Variants in WDR33 observed in about 807,000 individuals in gnomAD.
The protein encoded by WDR33 is pre-mRNA 3' end processing protein WDR33.
Under a neutral mutation model 164.9 loss-of-function variants are expected in WDR33, and 47 were observed. That is an observed-to-expected ratio of 0.29 (90% confidence interval 0.23 to 0.36). The LOEUF is 0.36. Ranked by LOEUF, WDR33 falls within the 10% of genes least tolerant of loss-of-function variation. WDR33 has a pLI of 1.00. For synonymous variants in WDR33, 505 were observed against 589.0 expected (o/e 0.86, Z 2.06); for missense variants, 1,137 against 1,754.1 (o/e 0.65, Z 6.28).
At position 127,746,974 on chromosome 2, in the gene WDR33, G is replaced by A. The variant is rs761999034; in HGVS notation, c.724+16088C>T. ...TCAGCATCAATTCTGGTAAATGGAT[G>A]TTATTTAAAAAAATGTAAATATACG... On this transcript the variant is annotated intron_variant, in intron 7 of 21. Coordinates refer to ENST00000322313, the MANE Select transcript of WDR33 (RefSeq NM_018383.5). 7.9e-5 allele frequency among the ~76,000 whole-genome samples: 12 copies of A among 152,200 alleles called. 1 individual carries two copies. The highest frequency in any genetic ancestry group is 1.6e-4 in the Non-Finnish European group (11 of 68,040).
chr2:127,788,452 G>A (rs1250448878), intron 1 of WDR33, among the ~76,000 whole-genome samples: 4 of 126,868 alleles, frequency 3.2e-5, no homozygotes, highest in African/African-American at 9.6e-5. Flanking sequence ...TCCCGGACGG[G>A]GCGGCTGGCC....
At position 127,709,399 on chromosome 2, in the gene WDR33, G is replaced by T; in HGVS notation, c.3565+91C>A. 1 of 1,267,194 alleles carries T rather than the reference G, an allele frequency of 7.9e-7. No homozygotes were observed. The highest frequency in any genetic ancestry group is 1.1e-6 in the Non-Finnish European group (1 of 875,880). 78.5% of individuals were successfully genotyped at this position (1,267,194 alleles called of 1,614,324 possible). A position where few individuals can be genotyped will look rare whatever the true frequency, so the allele number is the denominator to read the frequency against. ...CCCCCCGGGAGACATGAGCTGGAAA[G>T]AGGAGACCCGGTGCACCCCAGAGAG... On this transcript the variant is annotated intron_variant, in intron 20 of 21. Coordinates refer to ENST00000322313, the MANE Select transcript of WDR33 (RefSeq NM_018383.5). The surrounding 1 kb of genome is among the most constrained non-coding windows in gnomAD (Gnocchi z 5.0).
chr2:127,746,956 C>G (rs1201636353), intron 7 of WDR33, among the ~76,000 whole-genome samples: 1 of 152,148 alleles, frequency 6.6e-6, no homozygotes, highest in Admixed American at 6.5e-5. Context: ...TATTCAGCAT[C>G]AATTCTGGTA....
At chr2:127,780,023 G>T (rs1573449121) in intron 1 of WDR33, among the ~76,000 whole-genome samples, 1 of 147,560 alleles carries the variant, frequency 6.8e-6, no homozygotes, top group East Asian at 2.0e-4. Context: ...GCCCAGGCTA[G>T]AGTGCAGTGG....
At chr2:127,715,350 CTGGGA>C (rs1357490557) in intron 17 of WDR33, among the ~76,000 whole-genome samples, 6 of 152,134 alleles carry the variant, frequency 3.9e-5, no homozygotes, top group Admixed American at 2.6e-4. Flanking sequence ...TCCCAAAGTG[CTGGGA>C]TTACAGGCAT....
In WDR33 at chr2:127,735,626, C is replaced by T. The variant is rs1686818740; in HGVS notation, c.725-8849G>A. 1 of 985,768 alleles carries T rather than the reference C, an allele frequency of 1.0e-6. No homozygotes were observed. The highest frequency in any genetic ancestry group is 1.2e-6 in the Non-Finnish European group (1 of 829,914). 61.1% of individuals were successfully genotyped at this position (985,768 alleles called of 1,614,324 possible). A position where few individuals can be genotyped will look rare whatever the true frequency, so the allele number is the denominator to read the frequency against. ...AAATGTGTTAAACATTAACAGCAAA[C>T]TCAGGCTACTTCTAGCCACAAGAAC... is the stretch of plus-strand genomic sequence containing the variant. On this transcript the variant is annotated intron_variant, in intron 7 of 21. Coordinates refer to ENST00000322313, the MANE Select transcript of WDR33 (RefSeq NM_018383.5). The surrounding 1 kb of genome is among the most constrained non-coding windows in gnomAD (Gnocchi z 4.3).
At chr2:127,751,599 C>T (rs1375711717) in intron 7 of WDR33, among the ~76,000 whole-genome samples, 1 of 151,584 alleles carries the variant, frequency 6.6e-6, no homozygotes, top group Non-Finnish European at 1.5e-5. Flanking sequence ...AAAAAAGATA[C>T]AAATGGAATA....
At chr2:127,742,089 C>A (rs186120777) in intron 7 of WDR33, among the ~76,000 whole-genome samples, 2 of 152,000 alleles carry the variant, frequency 1.3e-5, no homozygotes, top group South Asian at 2.1e-4. Flanking sequence ...GTAATCCCAG[C>A]CACTCCAGAG....
In WDR33 at chr2:127,722,875, G is replaced by T; in HGVS notation, c.1378+83C>A. On this transcript the variant is annotated intron_variant, in intron 13 of 21. Transcript: ENST00000322313. The surrounding 1 kb of genome is among the most constrained non-coding windows in gnomAD (Gnocchi z 5.1). ...ACATTTCTCAACATAAATCATTTTG[G>T]TATTTCAATATATTTATCAGGAACA... 7.1e-7 allele frequency: 1 copy of T among 1,414,998 alleles called. No individual in the cohort carries two copies. Among genetic ancestry groups the T allele is most frequent in the Non-Finnish European group, 9.6e-7 (1 of 1,046,814 alleles). The allele number at this position is 1,414,998 out of a possible 1,614,324, so 87.7% of individuals were successfully genotyped here. A position where few individuals can be genotyped will look rare whatever the true frequency, so the allele number is the denominator to read the frequency against.
At chr2:127,752,146 A>G (rs1687384197) in intron 7 of WDR33, among the ~76,000 whole-genome samples, 1 of 152,208 alleles carries the variant, frequency 6.6e-6, no homozygotes, top group Non-Finnish European at 1.5e-5. Flanking sequence ...AAGATGGCAA[A>G]AAGAAATAAC....
chr2:127,795,103 T>TTTTTC (rs1491588679), intron 1 of WDR33, among the ~76,000 whole-genome samples: 2 of 48,996 alleles, frequency 4.1e-5, no homozygotes, highest in Non-Finnish European at 7.5e-5. Context: ...ATAACTTCTC[T>TTTTTC]TTTTTTTTTT....
chr2:127,781,999 TAAA>T (rs764718254), intron 1 of WDR33, among the ~76,000 whole-genome samples: 31 of 90,138 alleles, frequency 3.4e-4, no homozygotes, highest in African/African-American at 1.2e-3. Context: ...ACTCTTTTTC[TAAA>T]AAAAAAAAAA....
In WDR33 at chr2:127,708,094, G is replaced by A. The variant is rs747672704; in HGVS notation, c.3781+583C>T. Among the ~76,000 whole-genome samples, 3 of 152,132 alleles carry A rather than the reference G, an allele frequency of 2.0e-5. No individual in the cohort carries two copies. Among genetic ancestry groups the A allele is most frequent in the South Asian group, 2.1e-4 (1 of 4,822 alleles). On this transcript the variant is annotated intron_variant, in intron 21 of 21. Coordinates refer to ENST00000322313, the MANE Select transcript of WDR33 (RefSeq NM_018383.5). This position sits in a 1 kb window ranked among gnomAD's most constrained non-coding sequence, Gnocchi z 6.7. ...GCCACACCACCTATGCACCTCCCCC[G>A]CTGCCTTGCAACCAGAGTTGTATAG...
Position 127,735,394 on chromosome 2 carries a change from A to G in WDR33, c.725-8617T>C. ...GTGAACAGTCTGAAAACCAATACAT[A>G]ATAAGTTTTATTTGAAGGTCAGAAA... On this transcript the variant is annotated intron_variant, in intron 7 of 21. Coordinates refer to ENST00000322313, the MANE Select transcript of WDR33 (RefSeq NM_018383.5). This position sits in a 1 kb window ranked among gnomAD's most constrained non-coding sequence, Gnocchi z 4.3. 2.0e-6 allele frequency: 2 copies of G among 985,830 alleles called. No homozygotes were observed. Among genetic ancestry groups the G allele is most frequent in the Non-Finnish European group, 2.4e-6 (2 of 829,920 alleles). The allele number at this position is 985,830 out of a possible 1,614,324, so 61.1% of individuals were successfully genotyped here. A position where few individuals can be genotyped will look rare whatever the true frequency, so the allele number is the denominator to read the frequency against.
chr2:127,791,985 C>A (rs970906133), intron 1 of WDR33, among the ~76,000 whole-genome samples: 9 of 151,582 alleles, frequency 5.9e-5, no homozygotes, highest in Non-Finnish European at 1.3e-4. Flanking sequence ...GTCACCCAGG[C>A]TGGAGTGCAG....
At chr2:127,734,572 TCTTCCA>T (rs1416137080) in intron 7 of WDR33, among the ~76,000 whole-genome samples, 2 of 152,254 alleles carry the variant, frequency 1.3e-5, no homozygotes, top group African/African-American at 4.8e-5. Context: ...ATTTATGTAC[TCTTCCA>T]CTTCCACTCA....
At chr2:127,809,466 C>T (rs1689567263) in intron 1 of WDR33, among the ~76,000 whole-genome samples, 1 of 126,996 alleles carries the variant, frequency 7.9e-6, no homozygotes, top group Non-Finnish European at 1.6e-5. Flanking sequence ...GACGGAGTCT[C>T]GCTCTGTTGC....
Position 127,719,753 on chromosome 2 carries a change from T to G in WDR33, c.2272A>C (p.Ile758Leu), listed in dbSNP as rs543535474. The G allele has an allele frequency of 6.2e-7, 1 of 1,613,774 alleles. No individual in the cohort carries two copies. The highest frequency in any genetic ancestry group is 2.2e-5 in the East Asian group (1 of 44,858). Residue 758 changes from isoleucine to leucine, a missense_variant, in exon 16 of 22, where the codon ATC (isoleucine) becomes CTC (leucine). This residue lies in a region of WDR33 where 867 missense variants were observed against 1,073.0 expected (regional missense o/e 0.81). Transcript: ENST00000322313. The surrounding 1 kb of genome is among the most constrained non-coding windows in gnomAD (Gnocchi z 6.5). ...GMQGPPHPHGIQGGPGSQGIQ... is the reference protein window; with the variant it reads ...GMQGPPHPHGLQGGPGSQGIQ... The stretch of plus-strand genomic sequence containing the variant: ...CCTTGAGACCCTGGTCCGCCTTGGA[T>G]CCCATGAGGATGAGGAGGCCCTTGC...
intron 7 of WDR33, among the ~76,000 whole-genome samples, chr2:127,757,034 G>A (rs538714733): frequency 3.4e-5 from 5 of 148,708 alleles, no homozygotes; most frequent in East Asian, 2.0e-4. Context: ...CCAGTATTGC[G>A]CCACTGCACT....
Sources: gnomAD v4.1 joint callset for allele counts (sites outside exome capture counted in the v4.1 genomes callset) on GRCh38, gnomAD v4.1.1 for gene constraint, gnomAD v4.1.1 regional missense constraint, Gnocchi (gnomAD v3.1) non-coding constraint, MANE v1.5 for transcripts, NCBI Gene and HGNC (gene_info 2026-07-23, HGNC 2026-07-21) for gene names.